Variants in GRXCR1 observed in about 807,000 individuals in gnomAD.
The protein encoded by GRXCR1 is glutaredoxin domain-containing cysteine-rich protein 1.
In GRXCR1, 27 loss-of-function variants were observed where a neutral mutation model predicts 27.3. That is an observed-to-expected ratio of 0.99 (90% CI 0.73 to 1.37). The LOEUF is 1.37. GRXCR1 is among the 40% of genes most tolerant of loss of function. The pLI, the probability that GRXCR1 is intolerant of heterozygous loss-of-function variation, is 0.00. For synonymous variants in GRXCR1, 122 were observed against 131.1 expected (o/e 0.93, Z 0.47); for missense variants, 379 against 354.4 (o/e 1.07, Z -0.56).
rs764108411 is a variant in GRXCR1 at position 42,893,590 on chromosome 4, C to A, written c.324C>A (p.Gly108=). 1.9e-6 allele frequency: 3 copies of A among 1,613,386 alleles called. No individual in the cohort carries two copies. Among genetic ancestry groups the A allele is most frequent in the East Asian group, 2.2e-5 (1 of 44,828 alleles). Reference sequence around the variant, plus strand: ...TAAGCAAAAATGGCACAGTCAGAGGCGTCAAATACAAAGTGAGTGCTGGCC... The same window carrying A: ...TAAGCAAAAATGGCACAGTCAGAGGAGTCAAATACAAAGTGAGTGCTGGCC... ...NILSKNGTVR[G]VKYKVSAGQA... Residue 108 remains glycine, a synonymous_variant, in exon 1 of 4, where the codon GGC becomes GGA. Coordinates refer to ENST00000399770, the MANE Select transcript of GRXCR1 (RefSeq NM_001080476.3).
chr4:42,933,200 C>A lies in GRXCR1; in HGVS notation c.385-29692C>A, dbSNP rs138859643. ...AGTTTAAATAAGTACAAAAGAGACA[C>A]CTCCACCTCTTTATGCCTGGCTATT... is the stretch of plus-strand genomic sequence containing the variant. On this transcript the variant is annotated intron_variant, in intron 1 of 3. Coordinates refer to ENST00000399770, the MANE Select transcript of GRXCR1 (RefSeq NM_001080476.3). 5.9e-5 allele frequency among the ~76,000 whole-genome samples: 9 copies of A among 152,062 alleles called. No individual in the cohort carries two copies. In the East Asian group the frequency reaches 1.8e-3, roughly 30 times the overall value.
At chr4:43,022,601 G>A (rs1713130891) in intron 3 of GRXCR1, among the ~76,000 whole-genome samples, 1 of 152,146 alleles carries the variant, frequency 6.6e-6, no homozygotes. Context: ...CGGCTGCTTT[G>A]GGATATAGTA....
rs530060375 is a variant in GRXCR1, at chr4:42,893,223, C to T, written c.-44C>T. On this transcript the variant is annotated 5_prime_UTR_variant, in exon 1 of 4. The change creates a new upstream start codon in the 5' untranslated region. Coordinates refer to ENST00000399770, the MANE Select transcript of GRXCR1 (RefSeq NM_001080476.3). ...GGCAAGTGGACTAGTGCAGTAACAA[C>T]GGGTCCAGAATGCTGTAAACTGTTC... 5.9e-5 allele frequency: 95 copies of T among 1,611,378 alleles called. No individual in the cohort carries two copies. The Middle Eastern group carries it at 9.4e-4, about 16-fold the overall frequency.
chr4:42,935,468 G>A (rs541022383), intron 1 of GRXCR1, among the ~76,000 whole-genome samples: 4 of 151,946 alleles, frequency 2.6e-5, no homozygotes, highest in Non-Finnish European at 5.9e-5. Context: ...GGAGGGTTTT[G>A]TGCAACAGAT....
intron 3 of GRXCR1, among the ~76,000 whole-genome samples, chr4:43,021,861 AT>A (rs995039575): frequency 1.9e-4 from 29 of 152,116 alleles, no homozygotes; most frequent in Admixed American, 6.5e-5. Flanking sequence ...ATAATTTATA[AT>A]TTCTGAAGTA....
intron 2 of GRXCR1, among the ~76,000 whole-genome samples, chr4:43,004,586 G>T (rs903813555): frequency 2.0e-5 from 3 of 152,180 alleles, no homozygotes; most frequent in African/African-American, 7.2e-5. Flanking sequence ...AAGACCTTGG[G>T]AGCCCACCCT....
At chr4:43,028,146 C>T (rs571996969) in intron 3 of GRXCR1, among the ~76,000 whole-genome samples, 73 of 151,972 alleles carry the variant, frequency 4.8e-4, no homozygotes, top group African/African-American at 1.3e-3. Flanking sequence ...ATAATTTATA[C>T]GGTTGGTAAA....
chr4:43,013,435 A>C (rs117508913), intron 2 of GRXCR1, among the ~76,000 whole-genome samples: 1 of 152,112 alleles, frequency 6.6e-6, no homozygotes, highest in Non-Finnish European at 1.5e-5. Flanking sequence ...AACTTTGGGT[A>C]CTCATGGACA....
At chr4:43,028,068 C>T (rs1713311113) in intron 3 of GRXCR1, among the ~76,000 whole-genome samples, 1 of 151,256 alleles carries the variant, frequency 6.6e-6, no homozygotes, top group Admixed American at 6.6e-5. Context: ...GCTGAGGTCG[C>T]ACCACTGCAC....
At chr4:42,953,743 T>G (rs1017354691) in intron 1 of GRXCR1, among the ~76,000 whole-genome samples, 8 of 152,156 alleles carry the variant, frequency 5.3e-5, no homozygotes, top group Non-Finnish European at 8.8e-5. Context: ...ACTGTGGATT[T>G]GGATTTTTTG....
chr4:42,961,784 A>C (rs1748134021), intron 1 of GRXCR1, among the ~76,000 whole-genome samples: 1 of 151,940 alleles, frequency 6.6e-6, no homozygotes, highest in African/African-American at 2.4e-5. Context: ...TTACCTGTCC[A>C]CGTGCATCTT....
At chr4:42,929,900 A>G (rs1165557308) in intron 1 of GRXCR1, among the ~76,000 whole-genome samples, 2 of 151,958 alleles carry the variant, frequency 1.3e-5, no homozygotes, top group Admixed American at 1.3e-4. Flanking sequence ...CTTTGAGCCA[A>G]TTCTATTACT....
At chr4:42,990,351 C>T (rs951962285) in intron 2 of GRXCR1, among the ~76,000 whole-genome samples, 6 of 150,496 alleles carry the variant, frequency 4.0e-5, no homozygotes, top group Admixed American at 3.3e-4. Flanking sequence ...GCCACTACGC[C>T]CGGCTAATTT....
intron 1 of GRXCR1, among the ~76,000 whole-genome samples, chr4:42,930,754 CA>C (rs1307019229): frequency 6.6e-6 from 1 of 151,964 alleles, no homozygotes; most frequent in Non-Finnish European, 1.5e-5. Context: ...CATCGATAGA[CA>C]TAGTGATCAG....
At chr4:42,974,365 A>C (rs80069001) in intron 2 of GRXCR1, among the ~76,000 whole-genome samples, 1 of 152,100 alleles carries the variant, frequency 6.6e-6, no homozygotes, top group African/African-American at 2.4e-5. Flanking sequence ...AAAACCTCAA[A>C]GGGAAAACTG....
At chr4:42,976,540 C>T (rs973431093) in intron 2 of GRXCR1, among the ~76,000 whole-genome samples, 11 of 151,918 alleles carry the variant, frequency 7.2e-5, no homozygotes, top group South Asian at 2.1e-4. Flanking sequence ...ATCACACCCA[C>T]GAAACCAGCA....
At chr4:42,937,378 C>T (rs987940016) in intron 1 of GRXCR1, among the ~76,000 whole-genome samples, 34 of 151,502 alleles carry the variant, frequency 2.2e-4, no homozygotes, top group African/African-American at 7.8e-4. Context: ...TTAGCTGTTT[C>T]TTCAAGGAGC....
At chr4:42,902,080 T>A (rs1414058929) in intron 1 of GRXCR1, among the ~76,000 whole-genome samples, 1 of 152,184 alleles carries the variant, frequency 6.6e-6, no homozygotes, top group Non-Finnish European at 1.5e-5. Flanking sequence ...TTTTGGACTC[T>A]GGTCTTGAAT....
chr4:43,025,755 T>A (rs1019128407), intron 3 of GRXCR1, among the ~76,000 whole-genome samples: 4 of 152,132 alleles, frequency 2.6e-5, no homozygotes, highest in Non-Finnish European at 4.4e-5. Flanking sequence ...GGCGGGCGGA[T>A]CACCAGGGCA....
Sources: gnomAD v4.1 joint callset for allele counts (sites outside exome capture counted in the v4.1 genomes callset) on GRCh38, gnomAD v4.1.1 for gene constraint, MANE v1.5 for transcripts, NCBI Gene and HGNC (gene_info 2026-07-23, HGNC 2026-07-21) for gene names.